The following BANK1 variants were observed in gnomAD, a reference collection of about 807,000 sequenced individuals.
BANK1 encodes the protein B cell scaffold protein with ankyrin repeats 1.
Under a neutral mutation model 94.5 loss-of-function variants are expected in BANK1, and 95 were observed. The ratio of observed to expected loss-of-function variants is 1.00; its 90% CI spans 0.85 to 1.19. The LOEUF (loss-of-function observed/expected upper bound fraction) is 1.19. BANK1 is among the 50% of genes most tolerant of loss of function. BANK1 has a pLI of 0.00. For synonymous variants in BANK1, 334 were observed against 308.4 expected (o/e 1.08, Z -0.87); for missense variants, 987 against 932.2 (o/e 1.06, Z -0.77).
At chr4:101,943,283 T>G (rs1404692868) in intron 7 of BANK1, among the ~76,000 whole-genome samples, 2 of 151,930 alleles carry the variant, frequency 1.3e-5, no homozygotes, top group Non-Finnish European at 2.9e-5. Context: ...TTATGCAGGG[T>G]AGTGGCATGA....
intron 7 of BANK1, among the ~76,000 whole-genome samples, chr4:101,959,887 T>A (rs1417986297): frequency 6.6e-6 from 1 of 152,180 alleles, no homozygotes; most frequent in Non-Finnish European, 1.5e-5. Flanking sequence ...AAGTTCTATA[T>A]CCTCTGTCCC....
chr4:101,844,313 G>C (rs1727166667), intron 2 of BANK1, among the ~76,000 whole-genome samples: 1 of 152,138 alleles, frequency 6.6e-6, no homozygotes, highest in South Asian at 2.1e-4. Context: ...TAATTAGAGG[G>C]AAAAATGGGG....
intron 7 of BANK1, among the ~76,000 whole-genome samples, chr4:101,939,852 A>G (rs1244972496): frequency 6.6e-6 from 1 of 151,764 alleles, no homozygotes; most frequent in Non-Finnish European, 1.5e-5. Flanking sequence ...CAAAGAAAAA[A>G]AAATACATCA....
intron 6 of BANK1, among the ~76,000 whole-genome samples, chr4:101,900,698 TAACTGA>T (rs1174903694): frequency 6.6e-6 from 1 of 152,228 alleles, no homozygotes; most frequent in Non-Finnish European, 1.5e-5. Context: ...TCAATGCTGT[TAACTGA>T]AATAGAGGTG....
chr4:102,001,377 G>C (rs966395212), intron 7 of BANK1, among the ~76,000 whole-genome samples: 1 of 152,162 alleles, frequency 6.6e-6, no homozygotes, highest in Non-Finnish European at 1.5e-5. Flanking sequence ...CGAGATGGGC[G>C]GATCACGAGG....
chr4:101,985,466 A>G (rs1388810962), intron 7 of BANK1, among the ~76,000 whole-genome samples: 1 of 152,068 alleles, frequency 6.6e-6, no homozygotes, highest in Non-Finnish European at 1.5e-5. Context: ...GGTTTTTTTT[A>G]ATTTAGTTTT....
At chr4:101,798,212 T>C (rs541264659) in intron 1 of BANK1, among the ~76,000 whole-genome samples, 21 of 152,194 alleles carry the variant, frequency 1.4e-4, no homozygotes, top group Non-Finnish European at 2.1e-4. Context: ...TGAATGGGAA[T>C]GAGTGGAAGA....
chr4:102,063,167 AT>A, intron 13 of BANK1, 29 bp downstream of exon 13: 3 of 1,579,286 alleles, frequency 1.9e-6, no homozygotes, highest in Non-Finnish European at 2.6e-6. Flanking sequence ...CTATTCAAAA[AT>A]AATAGAGTGA....
At chr4:101,837,176 A>G (rs1437016268) in intron 2 of BANK1, among the ~76,000 whole-genome samples, 2 of 152,234 alleles carry the variant, frequency 1.3e-5, no homozygotes, top group African/African-American at 4.8e-5. Context: ...TTGATTGTTC[A>G]CAAATTTAGA....
At chr4:102,026,111 A>C (rs908676941) in intron 9 of BANK1, among the ~76,000 whole-genome samples, 1 of 152,134 alleles carries the variant, frequency 6.6e-6, no homozygotes, top group Non-Finnish European at 1.5e-5. Context: ...CATAGCTATC[A>C]CTGGCATTTG....
In BANK1 at chr4:102,030,267, T is replaced by C. The variant is rs1727249722; in HGVS notation, c.1900+2T>C. 20 of 1,563,010 alleles carry C rather than the reference T, an allele frequency of 1.3e-5. No individual in the cohort carries two copies. The highest frequency in any genetic ancestry group is 1.5e-5 in the Non-Finnish European group (18 of 1,161,810). On this transcript the variant is annotated splice_donor_variant, in intron 10 of 16. Transcript: ENST00000322953. LOFTEE classifies it high-confidence loss of function. ...AAACTACACCTTACATAGCTCAAGGTAATTATCATTGTTGTTTGTTTACTT... is the reference window on the plus strand; with the variant it reads ...AAACTACACCTTACATAGCTCAAGGCAATTATCATTGTTGTTTGTTTACTT...
At chr4:101,837,334 CT>C (rs1446332851) in intron 2 of BANK1, among the ~76,000 whole-genome samples, 1 of 152,144 alleles carries the variant, frequency 6.6e-6, no homozygotes, top group East Asian at 1.9e-4. Context: ...TGAATACTGA[CT>C]TTTTTTCTTT....
At chr4:101,950,780 T>G (rs117804747) in intron 7 of BANK1, among the ~76,000 whole-genome samples, 2 of 152,234 alleles carry the variant, frequency 1.3e-5, no homozygotes, top group East Asian at 3.9e-4. Flanking sequence ...AGATGAGGAA[T>G]GATGAGTCAT....
intron 7 of BANK1, among the ~76,000 whole-genome samples, chr4:101,958,813 G>A (rs1336249412): frequency 6.6e-6 from 1 of 152,234 alleles, no homozygotes; most frequent in Non-Finnish European, 1.5e-5. Context: ...TGCTAGCACA[G>A]TGGCTGCAGT....
chr4:101,842,065 A>C (rs1727069315), intron 2 of BANK1, among the ~76,000 whole-genome samples: 1 of 152,198 alleles, frequency 6.6e-6, no homozygotes, highest in Non-Finnish European at 1.5e-5. Context: ...ATAAATAATT[A>C]AACCAGTTAT....
At chr4:102,034,460 A>T (rs1727432563) in intron 10 of BANK1, among the ~76,000 whole-genome samples, 1 of 152,218 alleles carries the variant, frequency 6.6e-6, no homozygotes, top group Admixed American at 6.5e-5. Context: ...TAAAATTAGA[A>T]AATACCCAGC....
At chr4:101,848,110 C>G (rs1029384790) in intron 2 of BANK1, among the ~76,000 whole-genome samples, 1 of 152,158 alleles carries the variant, frequency 6.6e-6, no homozygotes, top group Non-Finnish European at 1.5e-5. Context: ...GACACTTCTC[C>G]CGCAAACAGA....
chr4:101,945,870 T>G (rs1195075083), intron 7 of BANK1, among the ~76,000 whole-genome samples: 1 of 151,800 alleles, frequency 6.6e-6, no homozygotes, highest in African/African-American at 2.4e-5. Flanking sequence ...TACCCCCCAA[T>G]CAGAAGAAGA....
chr4:101,881,779 A>G (rs1163289074), intron 5 of BANK1, among the ~76,000 whole-genome samples: 1 of 152,162 alleles, frequency 6.6e-6, no homozygotes. Flanking sequence ...CATGGATAGA[A>G]CTGGAGGACG....
Sources: gnomAD v4.1 joint callset for allele counts (sites outside exome capture counted in the v4.1 genomes callset) on GRCh38, gnomAD v4.1.1 for gene constraint, MANE v1.5 for transcripts, NCBI Gene and HGNC (gene_info 2026-07-23, HGNC 2026-07-21) for gene names.